Variants in FRAS1 observed in about 807,000 individuals in gnomAD.
FRAS1 encodes extracellular matrix organizing protein FRAS1.
FRAS1 carries 290 observed loss-of-function variants against 435.2 expected under a neutral mutation model. That is an observed-to-expected ratio of 0.67 (90% CI 0.61 to 0.73). The LOEUF (loss-of-function observed/expected upper bound fraction) is 0.73, where lower values mean the gene tolerates loss of function less well. FRAS1 is among the 30% of genes least tolerant of loss of function. FRAS1 has a pLI of 0.00. For synonymous variants in FRAS1, 1,800 were observed against 1,851.0 expected, an observed-to-expected ratio of 0.97 and a Z score of 0.71; for missense variants, 4,860 against 5,001.5, an observed-to-expected ratio of 0.97 and a Z score of 0.85.
chr4:78,277,745 A>G (rs1727125742), intron 9 of FRAS1, among the ~76,000 whole-genome samples: 1 of 152,186 alleles, frequency 6.6e-6, no homozygotes, highest in African/African-American at 2.4e-5. Context: ...AATGAAAATG[A>G]TAAGACTTGG....
At chr4:78,235,194 T>G (rs2110112286) in intron 2 of FRAS1, among the ~76,000 whole-genome samples, 1 of 152,324 alleles carries the variant, frequency 6.6e-6, no homozygotes, top group Middle Eastern at 3.4e-3. Flanking sequence ...GTCAACTGAT[T>G]GTTCATGGTA....
chr4:78,501,009 C>T (rs918313824), intron 61 of FRAS1, among the ~76,000 whole-genome samples: 7 of 152,032 alleles, frequency 4.6e-5, no homozygotes, highest in South Asian at 2.1e-4. Context: ...GGTACATGTG[C>T]GCAACATGCA....
Position 78,207,620 on chromosome 4 carries a change from A to G in FRAS1, c.109-29890A>G, listed in dbSNP as rs148235004. Reference sequence around the variant, plus strand: ...TCTGTGAGGCAAATATTATTATTTTATTTCACTTGTCAAGAAACTATAATA... The same window carrying G: ...TCTGTGAGGCAAATATTATTATTTTGTTTCACTTGTCAAGAAACTATAATA... On this transcript the variant is annotated intron_variant, in intron 2 of 73. Transcript: ENST00000512123. Among the ~76,000 whole-genome samples, 100 of 152,290 alleles carry G rather than the reference A, an allele frequency of 6.6e-4. 1 individual carries two copies. In the East Asian group the frequency reaches 0.019, roughly 28 times the overall value.
intron 2 of FRAS1, among the ~76,000 whole-genome samples, chr4:78,140,742 T>G (rs1720141675): frequency 6.8e-6 from 1 of 147,774 alleles, no homozygotes; most frequent in Non-Finnish European, 1.5e-5. Context: ...TGTGTGTATA[T>G]GTATATACGT....
chr4:78,225,223 T>C (rs1243180891), intron 2 of FRAS1, among the ~76,000 whole-genome samples: 2 of 152,208 alleles, frequency 1.3e-5, no homozygotes, highest in Non-Finnish European at 2.9e-5. Flanking sequence ...ATTTTGTTAT[T>C]TTTGTTCTTT....
chr4:78,484,899 G>A (rs1279487028), intron 58 of FRAS1, among the ~76,000 whole-genome samples: 1 of 152,232 alleles, frequency 6.6e-6, no homozygotes, highest in Non-Finnish European at 1.5e-5. Flanking sequence ...TTTAATTGGT[G>A]TAGAAGTAGA....
Position 78,063,788 on chromosome 4 carries a change from G to C in FRAS1, c.77-2197G>C, listed in dbSNP as rs145735998. Among the ~76,000 whole-genome samples, 123 of 152,268 alleles carry C rather than the reference G, an allele frequency of 8.1e-4. 1 individual carries two copies. The highest frequency in any genetic ancestry group is 1.4e-3 in the Non-Finnish European group (93 of 68,000). On this transcript the variant is annotated intron_variant, in intron 1 of 73. Coordinates refer to ENST00000512123, the MANE Select transcript of FRAS1 (RefSeq NM_025074.7). ...ACTTTGGAAGGTAATGCTGTGGAGA[G>C]CAATAAAATTATTTGAGGATAGTCT...
At position 78,539,286 on chromosome 4, in the gene FRAS1, A is replaced by C. The variant is rs368551584; in HGVS notation, c.11299-8A>C. On this transcript the variant is annotated splice_region_variant and splice_polypyrimidine_tract_variant and intron_variant, in intron 72 of 73. Coordinates refer to ENST00000512123, the MANE Select transcript of FRAS1 (RefSeq NM_025074.7). ...TAAATCTTGCATTTCTTTTTTCTGA[A>C]ATCCTAGGACCGCAATCAGCCAGAG... The C allele has an allele frequency of 3.9e-5, 62 of 1,593,878 alleles. No individual in the cohort carries two copies. The highest frequency in any genetic ancestry group is 5.1e-5 in the Non-Finnish European group (60 of 1,173,986).
chr4:78,367,513 G>T (rs1731324363), intron 22 of FRAS1, among the ~76,000 whole-genome samples: 1 of 152,098 alleles, frequency 6.6e-6, no homozygotes, highest in Non-Finnish European at 1.5e-5. Flanking sequence ...CCCCTGGCTG[G>T]GGAACTGGCA....
intron 65 of FRAS1, among the ~76,000 whole-genome samples, chr4:78,515,154 G>A (rs1469003493): frequency 3.3e-5 from 5 of 151,848 alleles, no homozygotes; most frequent in African/African-American, 1.2e-4. Context: ...TTAATTTAGA[G>A]CCATTCATGT....
At chr4:78,194,292 A>C (rs1043172521) in intron 2 of FRAS1, among the ~76,000 whole-genome samples, 1 of 152,070 alleles carries the variant, frequency 6.6e-6, no homozygotes, top group African/African-American at 2.4e-5. Flanking sequence ...GGCATTCTCT[A>C]TATTTCCTGA....
chr4:78,258,464 G>A (rs544551355), intron 6 of FRAS1, among the ~76,000 whole-genome samples: 95 of 151,442 alleles, frequency 6.3e-4, no homozygotes, highest in Admixed American at 1.2e-3. Flanking sequence ...TCTAAAATTT[G>A]GAAGGACTAT....
intron 2 of FRAS1, among the ~76,000 whole-genome samples, chr4:78,111,972 C>G (rs928663840): frequency 6.6e-6 from 1 of 152,032 alleles, no homozygotes; most frequent in African/African-American, 2.4e-5. Context: ...ATTAGAAAAA[C>G]TTAAGAATGT....
intron 56 of FRAS1, among the ~76,000 whole-genome samples, 193 bp downstream of exon 56, chr4:78,479,911 C>T (rs1224085880): frequency 6.6e-6 from 1 of 152,150 alleles, no homozygotes; most frequent in African/African-American, 2.4e-5. Flanking sequence ...GTTCCATCCA[C>T]TTTTCTTACT....
intron 18 of FRAS1, among the ~76,000 whole-genome samples, chr4:78,330,619 A>T (rs552492981): frequency 6.6e-6 from 1 of 152,282 alleles, no homozygotes; most frequent in Non-Finnish European, 1.5e-5. Flanking sequence ...GGGCGTGTGC[A>T]TCTCTTATGG....
At chr4:78,440,090 G>A (rs1734595498) in intron 40 of FRAS1, among the ~76,000 whole-genome samples, 1 of 148,810 alleles carries the variant, frequency 6.7e-6, no homozygotes. Flanking sequence ...GACTGCAGTG[G>A]CGCAATCTCG....
At chr4:78,471,881 CTT>C (rs373596949) in intron 51 of FRAS1, among the ~76,000 whole-genome samples, 25 of 152,304 alleles carry the variant, frequency 1.6e-4, no homozygotes, top group Non-Finnish European at 2.5e-4. Flanking sequence ...TGAAATTAAT[CTT>C]TTTCTCTCTC....
rs1046911033 is a variant in FRAS1 at position 78,211,602 on chromosome 4, G to C, written c.109-25908G>C. Among the ~76,000 whole-genome samples, 3 of 152,164 alleles carry C rather than the reference G, an allele frequency of 2.0e-5. No homozygotes were observed. The South Asian group carries it at 6.2e-4, about 32-fold the overall frequency. On this transcript the variant is annotated intron_variant, in intron 2 of 73. Transcript: ENST00000512123. ...TGGACTACCCAGCATGGGCCCAGGGGCTTGGGAAATTGTTTCACTTCATCA... is the reference window on the plus strand; with the variant it reads ...TGGACTACCCAGCATGGGCCCAGGGCCTTGGGAAATTGTTTCACTTCATCA...
Position 78,218,033 on chromosome 4 carries a change from C to G in FRAS1, c.109-19477C>G, listed in dbSNP as rs376398402. Among the ~76,000 whole-genome samples, 7 of 23,614 alleles carry G rather than the reference C, an allele frequency of 3.0e-4. 1 individual carries two copies. The highest frequency in any genetic ancestry group is 1.3e-3 in the East Asian group (1 of 792). The allele number at this position is 23,614 out of a possible 152,430, so 15.5% of individuals were successfully genotyped here. A position where few individuals can be genotyped will look rare whatever the true frequency, so the allele number is the denominator to read the frequency against. ...CTCTCTTCCCCTCCCCTTCCCCTCC[C>G]CTCCCCCCTCCTCTCCTCTCTTCTC... On this transcript the variant is annotated intron_variant, in intron 2 of 73. Transcript: ENST00000512123.
Sources: allele counts gnomAD v4.1 joint callset (sites outside exome capture counted in the v4.1 genomes callset), GRCh38; gene constraint gnomAD v4.1.1; transcripts MANE v1.5; gene names NCBI Gene and HGNC (gene_info 2026-07-23, HGNC 2026-07-21).